Variants in CASP4 observed in about 807,000 individuals in gnomAD.
CASP4 encodes caspase 4.
Under a neutral mutation model 41.3 loss-of-function variants are expected in CASP4, and 29 were observed. The observed-to-expected ratio is 0.70, with a 90% confidence interval of 0.52 to 0.96. The LOEUF (loss-of-function observed/expected upper bound fraction) is 0.96, where lower values mean the gene tolerates loss of function less well. Among genes scored for constraint, CASP4 ranks in the 40% least tolerant of loss-of-function variants. CASP4 has a pLI of 0.00. For synonymous variants in CASP4, 185 were observed against 158.4 expected, an observed-to-expected ratio of 1.17 and a Z score of -1.26; for missense variants, 447 against 460.6, an observed-to-expected ratio of 0.97 and a Z score of 0.27.
chr11:104,947,239 G>T, intron 6 of CASP4, 47 bp from the exon 7 acceptor site: 2 of 1,104,998 alleles, frequency 1.8e-6, no homozygotes, highest in Non-Finnish European at 2.6e-6. Context: ...CTTTCACTAT[G>T]TTTTTGTTCA....
chr11:104,961,905 G>A (rs1340840802), intron 1 of CASP4, among the ~76,000 whole-genome samples: 1 of 152,146 alleles, frequency 6.6e-6, no homozygotes, highest in Admixed American at 6.5e-5. Context: ...TCTGCTCTTT[G>A]CCTTACCCAG....
At chr11:104,964,742 C>A (rs1860935576) in intron 1 of CASP4, among the ~76,000 whole-genome samples, 1 of 152,122 alleles carries the variant, frequency 6.6e-6, no homozygotes, top group Non-Finnish European at 1.5e-5. Flanking sequence ...CTAACAGGTT[C>A]ATGAGCTCCA....
chr11:104,945,404 C>G (rs1265923892), intron 7 of CASP4, among the ~76,000 whole-genome samples: 1 of 152,074 alleles, frequency 6.6e-6, no homozygotes, highest in Middle Eastern at 3.2e-3. Context: ...AGGTGCCCAC[C>G]ACCACGCCTA....
At chr11:104,947,015 A>G (rs1860477260) in intron 7 of CASP4, 68 bp downstream of exon 7, 2 of 1,104,938 alleles carry the variant, frequency 1.8e-6, no homozygotes, top group South Asian at 2.7e-5. Context: ...GTCATTGTGA[A>G]GTAAAAAGTG....
In CASP4 at chr11:104,967,496, G is replaced by C. The variant is rs149490237; in HGVS notation, c.7+1023C>G. Among the ~76,000 whole-genome samples the C allele has an allele frequency of 8.2e-3, 1,250 of 152,204 alleles. 17 individuals carry two copies. The highest frequency in any genetic ancestry group is 0.029 in the African/African-American group (1,204 of 41,526). On this transcript the variant is annotated intron_variant, in intron 1 of 8. Coordinates refer to ENST00000444739, the MANE Select transcript of CASP4 (RefSeq NM_001225.4). ...GTTCAGATAGTAAAAAAGAGAAAAG[G>C]CAATAGGGAGCCACTGTATGTCCCT...
chr11:104,945,890 A>G (rs1290169964), intron 7 of CASP4, among the ~76,000 whole-genome samples: 3 of 151,544 alleles, frequency 2.0e-5, no homozygotes, highest in East Asian at 3.9e-4. Context: ...TCTGTCATCC[A>G]GGCTAGAGGG....
rs139040618 is a variant in CASP4 at position 104,959,948 on chromosome 11, G to A, written c.8-4947C>T. 3.4e-3 allele frequency among the ~76,000 whole-genome samples: 521 copies of A among 151,966 alleles called. 1 individual carries two copies. The highest frequency in any genetic ancestry group is 0.012 in the African/African-American group (481 of 41,434). ...TAAGAACTTTATCAATCTACTCTCC[G>A]TCCCTCTATTCTACTCTTTGCAACG... On this transcript the variant is annotated intron_variant, in intron 1 of 8. Transcript: ENST00000444739.
intron 8 of CASP4, chr11:104,944,444 A>G (rs2134630034): frequency 3.4e-6 from 1 of 293,680 alleles, no homozygotes; most frequent in East Asian, 7.7e-5. Flanking sequence ...ATGAATATAA[A>G]TAGTAATGGA....
chr11:104,952,277 G>A (rs961929223), intron 2 of CASP4, among the ~76,000 whole-genome samples: 20 of 152,072 alleles, frequency 1.3e-4, no homozygotes, highest in South Asian at 4.2e-4. Context: ...TCCTTATACC[G>A]TCAAAAGAAT....
chr11:104,961,953 C>T (rs945547865), intron 1 of CASP4, among the ~76,000 whole-genome samples: 1 of 152,156 alleles, frequency 6.6e-6, no homozygotes, highest in Admixed American at 6.5e-5. Flanking sequence ...GGTCGTCCCT[C>T]CCCACCTGGA....
Position 104,968,506 on chromosome 11 carries a change from GA to G in CASP4, c.7+12del, listed in dbSNP as rs1286679220. On this transcript the variant is annotated intron_variant, in intron 1 of 8. Transcript: ENST00000444739. ...GTTCCTACTCCCAAACTCCTAGTCA[GA>G]AAAGGACTCACCTGCCATAGGGAAC... The G allele has an allele frequency of 6.2e-7, 1 of 1,612,006 alleles. No individual in the cohort carries two copies. The highest frequency in any genetic ancestry group is 8.5e-7 in the Non-Finnish European group (1 of 1,178,162).
rs187333392 is a variant in CASP4, at chr11:104,948,300, A to G, written c.925+233T>C. On this transcript the variant is annotated intron_variant, in intron 6 of 8. Coordinates refer to ENST00000444739, the MANE Select transcript of CASP4 (RefSeq NM_001225.4). ...ACTATGTAAAATGTTAAATGGGCTTAATAAAAAAAACAGAATTCATCATCT... is the reference window on the plus strand; with the variant it reads ...ACTATGTAAAATGTTAAATGGGCTTGATAAAAAAAACAGAATTCATCATCT... 7 of 327,690 alleles carry G rather than the reference A, an allele frequency of 2.1e-5. No homozygotes were observed. The East Asian group carries it at 3.3e-4, about 16-fold the overall frequency. The allele number at this position is 327,690 out of a possible 1,614,324, so 20.3% of individuals were successfully genotyped here. A position where few individuals can be genotyped will look rare whatever the true frequency, so the allele number is the denominator to read the frequency against.
At chr11:104,967,601 C>G (rs1405151887) in intron 1 of CASP4, among the ~76,000 whole-genome samples, 1 of 152,146 alleles carries the variant, frequency 6.6e-6, no homozygotes, top group African/African-American at 2.4e-5. Flanking sequence ...CCTAATAGAA[C>G]AAACCTATGT....
chr11:104,945,103 A>C (rs1020923558), intron 7 of CASP4, among the ~76,000 whole-genome samples: 1 of 152,014 alleles, frequency 6.6e-6, no homozygotes, highest in African/African-American at 2.4e-5. Flanking sequence ...CATTTCCTCT[A>C]TTTTCCATTT....
At position 104,951,993 on chromosome 11, in the gene CASP4, A is replaced by G. The variant is rs753815545; in HGVS notation, c.275T>C (p.Met92Thr). 5.0e-5 allele frequency: 81 copies of G among 1,607,914 alleles called. No individual in the cohort carries two copies. Among genetic ancestry groups the G allele is most frequent in the East Asian group, 1.3e-4 (6 of 44,840 alleles). ...TCCTGACTCAGGTGGTCCAGCCTCC[A>G]TATTCGGATGAGCTGCAGGATATTG... The part of the protein sequence containing the change: ...ISPNKKAHPN[M>T]EAGPPESGES... Residue 92 changes from methionine (M) to threonine (T), a missense_variant, in exon 3 of 9, where the codon ATG becomes ACG. Met to Thr is a moderately conservative substitution (Grantham distance 81). Transcript: ENST00000444739.
At chr11:104,951,686 T>A in intron 3 of CASP4, 1 of 586,270 alleles carries the variant, frequency 1.7e-6, no homozygotes, top group South Asian at 2.0e-5. Flanking sequence ...CCAATTTTCT[T>A]TCAACTCATG....
intron 2 of CASP4, 97 bp downstream of exon 2, chr11:104,954,650 G>T: frequency 2.7e-6 from 3 of 1,112,094 alleles, no homozygotes; most frequent in Non-Finnish European, 1.3e-6. Flanking sequence ...GTTTAGGAAG[G>T]GAAAGATAGG....
chr11:104,946,370 C>A (rs181737707), intron 7 of CASP4, among the ~76,000 whole-genome samples: 1 of 151,990 alleles, frequency 6.6e-6, no homozygotes. Context: ...TGTTGAATTG[C>A]TGAGCAAATC....
At position 104,954,807 on chromosome 11, in the gene CASP4, C is replaced by T. The variant is rs1860696752; in HGVS notation, c.202G>A (p.Ala68Thr). 2 of 1,613,446 alleles carry T rather than the reference C, an allele frequency of 1.2e-6. No homozygotes were observed. Among genetic ancestry groups the T allele is most frequent in the Non-Finnish European group, 8.5e-7 (1 of 1,179,590 alleles). ...ADSMQEKQRM[A>T]GQMLLQTFFN... ...AAGGTTTGAAGAAGCATTTGTCCTG[C>T]CATACGTTGCTTCTCTTGCATAGAG... is the stretch of plus-strand genomic sequence containing the variant. The change falls in exon 2 of 9, where the codon GCA (alanine) becomes ACA (threonine). Residue 68 changes from alanine to threonine, a missense_variant. Ala to Thr is a moderately conservative substitution (Grantham distance 58, BLOSUM62 0). Coordinates refer to ENST00000444739, the MANE Select transcript of CASP4 (RefSeq NM_001225.4).
Sources: allele counts gnomAD v4.1 joint callset (sites outside exome capture counted in the v4.1 genomes callset), GRCh38; gene constraint gnomAD v4.1.1; transcripts MANE v1.5; gene names NCBI Gene and HGNC (gene_info 2026-07-23, HGNC 2026-07-21).